Variants in SH3BP4 observed in about 807,000 individuals in gnomAD.
SH3BP4 encodes SH3 domain-binding protein 4.
A neutral mutation model predicts 65.5 loss-of-function variants in SH3BP4; 33 were observed. The observed-to-expected ratio is 0.50, with a 90% confidence interval of 0.38 to 0.67. The LOEUF is 0.67. SH3BP4 is among the 30% of genes least tolerant of loss of function. The probability of loss-of-function intolerance (pLI) is 0.00; values close to 1 mark genes in which losing one functional copy is unlikely to be tolerated. For missense variants in SH3BP4, 1,134 were observed against 1,261.4 expected, an observed-to-expected ratio of 0.90 and a Z score of 1.53; for synonymous variants, 552 against 545.5, an observed-to-expected ratio of 1.01 and a Z score of -0.17.
At position 234,974,696 on chromosome 2, in the gene SH3BP4, C is replaced by T. The variant is rs542955777; in HGVS notation, c.-206-20607C>T. Among the ~76,000 whole-genome samples, 20 of 152,348 alleles carry T rather than the reference C, an allele frequency of 1.3e-4. No individual in the cohort carries two copies. The highest frequency in any genetic ancestry group is 9.8e-4 in the Admixed American group (15 of 15,308). On this transcript the variant is annotated intron_variant, in intron 1 of 5. Transcript: ENST00000392011. This position sits in a 1 kb window ranked among gnomAD's most constrained non-coding sequence, Gnocchi z 4.6. ...TGCAGCCCGCGGCCCAGGGCGTTCA[C>T]AAGCTCTCTTAGTTCCGAAAAATCG...
At chr2:235,009,390 G>T (rs879687458) in intron 2 of SH3BP4, among the ~76,000 whole-genome samples, 12 of 152,232 alleles carry the variant, frequency 7.9e-5, no homozygotes, top group Non-Finnish European at 1.0e-4. Flanking sequence ...ATGAGCCAGA[G>T]ATAAGAGGAT....
intron 2 of SH3BP4, among the ~76,000 whole-genome samples, chr2:235,006,587 A>G (rs528365073): frequency 6.6e-6 from 1 of 152,270 alleles, no homozygotes; most frequent in South Asian, 2.1e-4. Flanking sequence ...CTGTGCTCTC[A>G]GGAGTCTGTG....
intron 1 of SH3BP4, among the ~76,000 whole-genome samples, chr2:234,984,012 G>A (rs906248768): frequency 1.3e-5 from 2 of 152,214 alleles, no homozygotes; most frequent in Non-Finnish European, 2.9e-5. Flanking sequence ...AGGGTTCTGC[G>A]GCTTTGAGGG....
chr2:234,980,364 G>A (rs970678526), intron 1 of SH3BP4, among the ~76,000 whole-genome samples: 7 of 152,196 alleles, frequency 4.6e-5, no homozygotes, highest in Non-Finnish European at 1.0e-4. Flanking sequence ...TGTAATAAAA[G>A]TTGTGTGAAT....
In SH3BP4 at chr2:235,022,056, A is replaced by G. The variant is rs1694859623; in HGVS notation, c.-132-12815A>G. ...GTGAATGTTTATTGAATTTGTCATC[A>G]AGGGAGGCCTTTCTGTGCATCAAGG... On this transcript the variant is annotated intron_variant, in intron 2 of 5. Coordinates refer to ENST00000392011, the MANE Select transcript of SH3BP4 (RefSeq NM_014521.3). Among the ~76,000 whole-genome samples, 3 of 152,208 alleles carry G rather than the reference A, an allele frequency of 2.0e-5. 1 individual carries two copies. The South Asian group carries it at 6.2e-4, about 32-fold the overall frequency.
intron 4 of SH3BP4, among the ~76,000 whole-genome samples, chr2:235,048,357 G>A (rs767651535): frequency 6.6e-6 from 1 of 152,150 alleles, no homozygotes; most frequent in Admixed American, 6.5e-5. Flanking sequence ...TTGAGAAAAG[G>A]TCTCGCTCTG....
intron 2 of SH3BP4, among the ~76,000 whole-genome samples, chr2:235,016,797 C>A (rs1374135399): frequency 6.6e-6 from 1 of 152,224 alleles, no homozygotes; most frequent in Non-Finnish European, 1.5e-5. Context: ...GTGTGAGCCA[C>A]CTCAACTCAT....
rs767739680 is a variant in SH3BP4 at position 235,052,262 on chromosome 2, G to T, written c.2479-300G>T. Among the ~76,000 whole-genome samples the T allele has an allele frequency of 2.0e-5, 3 of 152,018 alleles. No individual in the cohort carries two copies. Among genetic ancestry groups the T allele is most frequent in the Non-Finnish European group, 2.9e-5 (2 of 68,016 alleles). On this transcript the variant is annotated intron_variant, in intron 4 of 5. Coordinates refer to ENST00000392011, the MANE Select transcript of SH3BP4 (RefSeq NM_014521.3). The surrounding 1 kb of genome is among the most constrained non-coding windows in gnomAD (Gnocchi z 5.0). ...TTGGTGACTTCCTCTAATCCAGAGGGACCTCATCTTAATTCTATCTGCAAA... is the reference window on the plus strand; with the variant it reads ...TTGGTGACTTCCTCTAATCCAGAGGTACCTCATCTTAATTCTATCTGCAAA...
intron 1 of SH3BP4, among the ~76,000 whole-genome samples, chr2:234,955,863 T>C (rs1296912048): frequency 1.3e-5 from 2 of 152,192 alleles, no homozygotes; most frequent in East Asian, 3.9e-4. Flanking sequence ...ACAGGGAAGC[T>C]ACGAGAATTT....
At chr2:235,043,997 G>A (rs888315034) in intron 4 of SH3BP4, among the ~76,000 whole-genome samples, 2 of 152,254 alleles carry the variant, frequency 1.3e-5, no homozygotes, top group Admixed American at 1.3e-4. Context: ...GCAGAAGGCG[G>A]CCTGTGCTCT....
Position 235,054,126 on chromosome 2 carries a change from G to A in SH3BP4, c.*310G>A. 3.4e-6 allele frequency: 1 copy of A among 298,378 alleles called. No individual in the cohort carries two copies. The highest frequency in any genetic ancestry group is 6.2e-5 in the South Asian group (1 of 16,258). 18.5% of individuals were successfully genotyped at this position (298,378 alleles called of 1,614,324 possible). ...GAAAGGTGGTATCTAATTTTTTTAT[G>A]GACCATAAAGGTTTAAAAGAAAATA... On this transcript the variant is annotated 3_prime_UTR_variant, in exon 6 of 6. Coordinates refer to ENST00000392011, the MANE Select transcript of SH3BP4 (RefSeq NM_014521.3).
intron 1 of SH3BP4, chr2:234,979,068 A>T (rs961185865): frequency 6.6e-6 from 1 of 152,276 alleles, no homozygotes; most frequent in Admixed American, 6.5e-5. Flanking sequence ...CAGGGTGCAG[A>T]GCCCCTGTCC....
At chr2:234,969,350 C>G (rs958819612) in intron 1 of SH3BP4, among the ~76,000 whole-genome samples, 2 of 152,134 alleles carry the variant, frequency 1.3e-5, no homozygotes, top group Non-Finnish European at 2.9e-5. Flanking sequence ...AAGTCCCCTC[C>G]CCTGAAGTTT....
chr2:235,041,255 G>A lies in SH3BP4; in HGVS notation c.486G>A (p.Trp162Ter), dbSNP rs1695629723. 1 of 1,614,050 alleles carries A rather than the reference G, an allele frequency of 6.2e-7. No homozygotes were observed. The highest frequency in any genetic ancestry group is 8.5e-7 in the Non-Finnish European group (1 of 1,180,044). Residue 162 changes from tryptophan to a stop codon, truncating the protein, a stop_gained, in exon 4 of 6, where the codon TGG becomes TGA. Coordinates refer to ENST00000392011, the MANE Select transcript of SH3BP4 (RefSeq NM_014521.3). LOFTEE classifies it high-confidence loss of function. The surrounding 1 kb of genome is among the most constrained non-coding windows in gnomAD (Gnocchi z 6.0). ...GAATGTACAGTAATAACCCTTTCTG[G>A]AATGGGGTCCAGACCAATCCATTTC... ...PGRMYSNNPF[W>*]NGVQTNPFLN... is the part of the protein sequence containing the mutation.
At chr2:235,005,365 C>T (rs900264794) in intron 2 of SH3BP4, among the ~76,000 whole-genome samples, 22 of 152,078 alleles carry the variant, frequency 1.4e-4, no homozygotes, top group Admixed American at 5.9e-4. Context: ...GCCTGGGGCT[C>T]ACTCCGGCTC....
intron 1 of SH3BP4, among the ~76,000 whole-genome samples, chr2:234,966,649 G>C (rs1256731818): frequency 1.3e-5 from 2 of 152,306 alleles, no homozygotes; most frequent in South Asian, 4.1e-4. Context: ...ACAAGGCACC[G>C]GCATGTTGAT....
Position 234,952,121 on chromosome 2 carries a change from T to C in SH3BP4, c.-256T>C, listed in dbSNP as rs1483691077. ...CGCGCCCCCGGCTGGGCCGAGCCGC[T>C]GGCCGACGAGCGGAGCCTCAGGAGC... is the stretch of plus-strand genomic sequence containing the variant. On this transcript the variant is annotated 5_prime_UTR_variant, in exon 1 of 6. Transcript: ENST00000392011. This position sits in a 1 kb window ranked among gnomAD's most constrained non-coding sequence, Gnocchi z 6.5. 5 of 147,726 alleles carry C rather than the reference T, an allele frequency of 3.4e-5. No individual in the cohort carries two copies. Among genetic ancestry groups the C allele is most frequent in the Non-Finnish European group, 7.5e-5 (5 of 66,250 alleles). 9.2% of individuals were successfully genotyped at this position (147,726 alleles called of 1,614,324 possible). A position where few individuals can be genotyped will look rare whatever the true frequency, so the allele number is the denominator to read the frequency against.
intron 1 of SH3BP4, among the ~76,000 whole-genome samples, chr2:234,965,689 TG>T (rs1220132492): frequency 6.6e-6 from 1 of 152,128 alleles, no homozygotes; most frequent in Non-Finnish European, 1.5e-5. Flanking sequence ...TCTGGGAAGA[TG>T]GGGGTTTTTT....
At position 234,974,113 on chromosome 2, in the gene SH3BP4, C is replaced by T. The variant is rs1379146467; in HGVS notation, c.-206-21190C>T. Among the ~76,000 whole-genome samples, 1 of 152,112 alleles carries T rather than the reference C, an allele frequency of 6.6e-6. No homozygotes were observed. The highest frequency in any genetic ancestry group is 2.4e-5 in the African/African-American group (1 of 41,450). ...TGGCGCAGTGGCTCACCCCTGTAAT[C>T]CCAGCACTTTGGGAGGCCGAGGCAG... On this transcript the variant is annotated intron_variant, in intron 1 of 5. Coordinates refer to ENST00000392011, the MANE Select transcript of SH3BP4 (RefSeq NM_014521.3). The surrounding 1 kb of genome is among the most constrained non-coding windows in gnomAD (Gnocchi z 4.6).
Sources: allele counts gnomAD v4.1 joint callset (sites outside exome capture counted in the v4.1 genomes callset), GRCh38; gene constraint gnomAD v4.1.1; non-coding constraint Gnocchi (gnomAD v3.1); transcripts MANE v1.5; gene names NCBI Gene and HGNC (gene_info 2026-07-23, HGNC 2026-07-21).